Variants in KLF12 observed in about 807,000 individuals in gnomAD.
The protein encoded by KLF12 is Krueppel-like factor 12.
A neutral mutation model predicts 37.8 loss-of-function variants in KLF12; 9 were observed. The ratio of observed to expected loss-of-function variants is 0.24; its 90% CI spans 0.14 to 0.42. The LOEUF (loss-of-function observed/expected upper bound fraction) is 0.42, where lower values mean the gene tolerates loss of function less well. Ranked by LOEUF, KLF12 falls within the 10% of genes least tolerant of loss-of-function variation. KLF12 has a pLI of 1.00. For missense variants in KLF12, 411 were observed against 516.0 expected (o/e 0.80, Z 1.97); for synonymous variants, 208 against 202.1 (o/e 1.03, Z -0.25).
At chr13:73,953,970 C>CTTTTT (rs67945624) in intron 2 of KLF12, among the ~76,000 whole-genome samples, 21 of 88,532 alleles carry the variant, frequency 2.4e-4, no homozygotes, top group African/African-American at 7.5e-4. Context: ...TTTTTTCTTT[C>CTTTTT]TTTTTTTTTT....
intron 1 of KLF12, among the ~76,000 whole-genome samples, chr13:74,065,316 C>T (rs1238682586): frequency 4.0e-5 from 6 of 151,802 alleles, no homozygotes; most frequent in Non-Finnish European, 7.4e-5. Context: ...AAATTTAAAA[C>T]AGCAAATCAT....
chr13:73,886,885 C>T (rs1305486303), intron 3 of KLF12, among the ~76,000 whole-genome samples: 1 of 151,184 alleles, frequency 6.6e-6, no homozygotes, highest in Non-Finnish European at 1.5e-5. Context: ...CCAGCTACTC[C>T]AGAGGCTGAG....
intron 3 of KLF12, among the ~76,000 whole-genome samples, chr13:73,900,861 T>C (rs8000989): frequency 0.047 from 7,164 of 152,236 alleles, 384 homozygotes; most frequent in African/African-American, 0.13. Flanking sequence ...GGTTACATTT[T>C]TGTGGGCCCG....
At chr13:74,253,210 A>G in the KLF12 span, among the ~76,000 whole-genome samples, 1 of 152,234 alleles carries the variant, frequency 6.6e-6, no homozygotes, top group African/African-American at 2.4e-5. Flanking sequence ...ATCTAAAGCA[A>G]CATTTTTAAA....
chr13:73,780,320 G>T (rs1880879658), intron 5 of KLF12, among the ~76,000 whole-genome samples: 1 of 152,110 alleles, frequency 6.6e-6, no homozygotes, highest in African/African-American at 2.4e-5. Context: ...CGATTTCTGA[G>T]ATTTTGGTGC....
At chr13:73,811,016 C>T (rs1351619076) in intron 5 of KLF12, among the ~76,000 whole-genome samples, 3 of 48,332 alleles carry the variant, frequency 6.2e-5, no homozygotes, top group African/African-American at 1.4e-4. Flanking sequence ...TTAGGAGTCT[C>T]ACTCTGTTGC....
chr13:73,874,944 CAT>C (rs1886633434), intron 3 of KLF12, among the ~76,000 whole-genome samples: 1 of 151,820 alleles, frequency 6.6e-6, no homozygotes, highest in Non-Finnish European at 1.5e-5. Flanking sequence ...TACTAAAGAC[CAT>C]ATTTTAAATA....
chr13:74,133,994 T>C (rs775131586), upstream of KLF12, among the ~76,000 whole-genome samples: 1 of 151,922 alleles, frequency 6.6e-6, no homozygotes. Context: ...ATGCGCTAAA[T>C]GTAGGGTGGG....
chr13:74,189,019 A>C, the KLF12 span, among the ~76,000 whole-genome samples: 1 of 152,094 alleles, frequency 6.6e-6, no homozygotes, highest in African/African-American at 2.4e-5. Context: ...AAAAAATGAA[A>C]AACAAAAACC....
At chr13:74,194,588 A>G in the KLF12 span, among the ~76,000 whole-genome samples, 5 of 152,208 alleles carry the variant, frequency 3.3e-5, no homozygotes, top group African/African-American at 9.6e-5. Flanking sequence ...AAGAGACCTC[A>G]TGACCTAATT....
At chr13:73,908,575 G>T (rs1888423673) in intron 3 of KLF12, among the ~76,000 whole-genome samples, 1 of 150,838 alleles carries the variant, frequency 6.6e-6, no homozygotes, top group South Asian at 2.1e-4. Context: ...CCACCTCCTG[G>T]GTTCAAGCGA....
chr13:74,185,676 T>C, the KLF12 span, among the ~76,000 whole-genome samples: 2 of 152,162 alleles, frequency 1.3e-5, no homozygotes, highest in Non-Finnish European at 2.9e-5. Context: ...AGACAGAGTC[T>C]CACTTCTTCA....
At chr13:74,000,311 C>T (rs1892240922) in intron 1 of KLF12, among the ~76,000 whole-genome samples, 1 of 152,094 alleles carries the variant, frequency 6.6e-6, no homozygotes, top group South Asian at 2.1e-4. Flanking sequence ...CTGGGATCCA[C>T]AGAAAATGGA....
intron 1 of KLF12, among the ~76,000 whole-genome samples, chr13:74,058,544 G>A (rs565976235): frequency 1.3e-5 from 2 of 151,028 alleles, no homozygotes; most frequent in Non-Finnish European, 2.9e-5. Context: ...TTTTAGTAGA[G>A]ATGGGGTTTC....
At chr13:73,702,911 G>T (rs17090353) in intron 7 of KLF12, among the ~76,000 whole-genome samples, 1 of 152,064 alleles carries the variant, frequency 6.6e-6, no homozygotes, top group African/African-American at 2.4e-5. Context: ...ACCTAGAGGC[G>T]GGGAAAGAGC....
chr13:73,835,025 T>C (rs1884356298), intron 4 of KLF12, among the ~76,000 whole-genome samples: 1 of 151,518 alleles, frequency 6.6e-6, no homozygotes, highest in Non-Finnish European at 1.5e-5. Flanking sequence ...CACATGCAAA[T>C]GTATAGGATG....
chr13:74,079,174 C>T (rs977919351), intron 1 of KLF12, among the ~76,000 whole-genome samples: 1 of 151,266 alleles, frequency 6.6e-6, no homozygotes, highest in Non-Finnish European at 1.5e-5. Flanking sequence ...TATGAGGTAC[C>T]TAAAGCAGTC....
intron 3 of KLF12, among the ~76,000 whole-genome samples, chr13:73,926,227 T>C (rs2139250685): frequency 6.6e-6 from 1 of 152,308 alleles, no homozygotes; most frequent in Admixed American, 6.5e-5. Context: ...ACTGATGCAG[T>C]AAACTTCATT....
At chr13:74,136,610 G>A (rs890846566), upstream of KLF12, among the ~76,000 whole-genome samples, 9 of 152,180 alleles carry the variant, frequency 5.9e-5, no homozygotes, top group Admixed American at 5.9e-4. Flanking sequence ...TATAGCGAGT[G>A]CTTCTGCACG....
Sources: gnomAD v4.1 joint callset for allele counts (sites outside exome capture counted in the v4.1 genomes callset) on GRCh38, gnomAD v4.1.1 for gene constraint, MANE v1.5 for transcripts, NCBI Gene and HGNC (gene_info 2026-07-23, HGNC 2026-07-21) for gene names.